Variants in EPHA2 observed in about 807,000 individuals in gnomAD.
EPHA2 encodes the protein ephrin type-A receptor 2.
A neutral mutation model predicts 104.9 loss-of-function variants in EPHA2; 54 were observed. The observed-to-expected ratio is 0.51, with a 90% CI of 0.41 to 0.65. The LOEUF is 0.65. Ranked by LOEUF, EPHA2 falls within the 30% of genes least tolerant of loss-of-function variation. The pLI is 0.00. For missense variants in EPHA2, 1,117 were observed against 1,369.5 expected (o/e 0.82, Z 2.91); for synonymous variants, 560 against 559.1 (o/e 1.00, Z -0.02).
intron 2 of EPHA2, among the ~76,000 whole-genome samples, chr1:16,149,758 G>A (rs1372616943): frequency 2.6e-5 from 4 of 152,186 alleles, no homozygotes; most frequent in Non-Finnish European, 5.9e-5. Context: ...CACTTGGCAC[G>A]GCACATGGGG....
chr1:16,132,624 C>T (rs1203199413), intron 11 of EPHA2, among the ~76,000 whole-genome samples, 185 bp from the exon 12 acceptor site: 3 of 130,864 alleles, frequency 2.3e-5, no homozygotes, highest in African/African-American at 6.0e-5. Flanking sequence ...TGGGCACAGG[C>T]GGAGGAGTGG....
chr1:16,153,958 C>T (rs945552998), intron 1 of EPHA2, among the ~76,000 whole-genome samples: 2 of 151,958 alleles, frequency 1.3e-5, no homozygotes, highest in African/African-American at 4.8e-5. Context: ...GACTCAGAGT[C>T]GAAGCAAAAA....
intron 3 of EPHA2, among the ~76,000 whole-genome samples, chr1:16,138,964 T>G (rs2024772791): frequency 6.6e-6 from 1 of 152,210 alleles, no homozygotes; most frequent in Admixed American, 6.5e-5. Context: ...TCCCTGCAGG[T>G]GTTACCTCCA....
At position 16,124,891 on chromosome 1, in the gene EPHA2, G is replaced by A. The variant is rs1417361028; in HGVS notation, c.*324C>T. On this transcript the variant is annotated 3_prime_UTR_variant, in exon 17 of 17. Coordinates refer to ENST00000358432, the MANE Select transcript of EPHA2 (RefSeq NM_004431.5). ...GAGATGGCCTCATGTGGGAGAAGGC[G>A]GAGGGAAGGTCGGCTTGGGAATATC... 1.2e-5 allele frequency: 4 copies of A among 323,722 alleles called. No homozygotes were observed. Among genetic ancestry groups the A allele is most frequent in the South Asian group, 3.5e-5 (1 of 28,464 alleles). The allele number at this position is 323,722 out of a possible 1,614,324, so 20.1% of individuals were successfully genotyped here. A position where few individuals can be genotyped will look rare whatever the true frequency, so the allele number is the denominator to read the frequency against.
At chr1:16,152,210 G>A (rs984220904) in intron 1 of EPHA2, among the ~76,000 whole-genome samples, 42 of 152,196 alleles carry the variant, frequency 2.8e-4, no homozygotes, top group Admixed American at 2.6e-3. Flanking sequence ...GGCCAGGACC[G>A]GAGAAGGACT....
chr1:16,129,814 G>A (rs2024540857), intron 15 of EPHA2, among the ~76,000 whole-genome samples: 2 of 152,070 alleles, frequency 1.3e-5, no homozygotes, highest in Admixed American at 6.5e-5. Context: ...CTACTAACAG[G>A]ACCACCACCA....
rs770700471 is a variant in EPHA2, at chr1:16,148,520, G to A, written c.681C>T (p.Ala227=). ...GSDAPSLATV[A]GTCVDHAVVP... is the part of the protein sequence containing the mutation. ...CCACGGCATGGTCCACACAGGTGCC[G>A]GCCACAGTGGCCAGGGAAGGTGCAT... The change falls in exon 3 of 17, where the codon GCC becomes GCT. Residue 227 remains alanine (A), a synonymous_variant. Transcript: ENST00000358432. The surrounding 1 kb of genome is among the most constrained non-coding windows in gnomAD (Gnocchi z 4.9). The A allele has an allele frequency of 4.3e-5, 69 of 1,613,450 alleles. No individual in the cohort carries two copies. Among genetic ancestry groups the A allele is most frequent in the Admixed American group, 1.8e-4 (11 of 59,992 alleles).
intron 16 of EPHA2, among the ~76,000 whole-genome samples, chr1:16,129,114 C>T (rs1369763792): frequency 4.0e-5 from 6 of 151,266 alleles, no homozygotes; most frequent in Non-Finnish European, 8.8e-5. Flanking sequence ...AGGACTCACC[C>T]CGCTGGGTTC....
In EPHA2 at chr1:16,148,565, A is replaced by T; in HGVS notation, c.636T>A (p.Pro212=). The T allele has an allele frequency of 1.9e-6, 3 of 1,612,444 alleles. No individual in the cohort carries two copies. Among genetic ancestry groups the T allele is most frequent in the Non-Finnish European group, 2.5e-6 (3 of 1,180,000 alleles). ...GTGCATCAGAGCCGGCGATGGTCTC[A>T]GGGAAGTGGGCCAGGCCCTGCAGCA... ...PELLQGLAHF[P]ETIAGSDAPS... The change falls in exon 3 of 17, where the codon CCT becomes CCA. Residue 212 remains proline (P), a synonymous_variant. Transcript: ENST00000358432. This position sits in a 1 kb window ranked among gnomAD's most constrained non-coding sequence, Gnocchi z 4.9.
chr1:16,136,032 G>A (rs2024677351), intron 5 of EPHA2, among the ~76,000 whole-genome samples: 1 of 152,024 alleles, frequency 6.6e-6, no homozygotes, highest in Non-Finnish European at 1.5e-5. Flanking sequence ...TACTGTACCT[G>A]GCTAATTTTT....
chr1:16,154,756 CA>C (rs558609049), intron 1 of EPHA2, among the ~76,000 whole-genome samples: 3,998 of 66,818 alleles, frequency 0.06, 146 homozygotes, highest in African/African-American at 0.2. Context: ...AACTCCGTCT[CA>C]AAAAAAAAAA....
chr1:16,126,498 A>T (rs945166161), intron 16 of EPHA2, among the ~76,000 whole-genome samples: 2 of 152,024 alleles, frequency 1.3e-5, no homozygotes, highest in African/African-American at 4.8e-5. Context: ...GGACTCCAGG[A>T]CCTCCCGCAG....
At chr1:16,139,034 C>T (rs1387882148) in intron 3 of EPHA2, among the ~76,000 whole-genome samples, 1 of 152,354 alleles carries the variant, frequency 6.6e-6, no homozygotes, top group East Asian at 1.9e-4. Context: ...AGGCCAAGCC[C>T]CCTGGCATTT....
intron 3 of EPHA2, among the ~76,000 whole-genome samples, chr1:16,145,627 A>G (rs1019671810): frequency 1.3e-5 from 2 of 152,042 alleles, no homozygotes; most frequent in African/African-American, 4.8e-5. Context: ...TTCTCCCTCA[A>G]TGTACCCAGC....
At chr1:16,136,670 AAAAGAAGAAG>A (rs1187549325) in intron 5 of EPHA2, among the ~76,000 whole-genome samples, 1 of 113,032 alleles carries the variant, frequency 8.8e-6, no homozygotes, top group Non-Finnish European at 1.6e-5. Context: ...AGAAAAGAAG[AAAAGAAGAAG>A]AAAGAAGAAG....
chr1:16,131,663 A>G lies in EPHA2; in HGVS notation c.2475+58T>C. The stretch of plus-strand genomic sequence containing the variant: ...CTCTGCCCAGCCCCTGCAGTTTGAG[A>G]TGAGTAAAGGGCTTGAGTTCAGGTC... On this transcript the variant is annotated intron_variant, in intron 14 of 16. Coordinates refer to ENST00000358432, the MANE Select transcript of EPHA2 (RefSeq NM_004431.5). This position sits in a 1 kb window ranked among gnomAD's most constrained non-coding sequence, Gnocchi z 5.2. 6.2e-7 allele frequency: 1 copy of G among 1,609,062 alleles called. No individual in the cohort carries two copies. Among genetic ancestry groups the G allele is most frequent in the East Asian group, 2.2e-5 (1 of 44,734 alleles).
intron 3 of EPHA2, among the ~76,000 whole-genome samples, chr1:16,142,144 C>T (rs2024835015): frequency 6.6e-6 from 1 of 152,204 alleles, no homozygotes. Context: ...CCTTTAATAC[C>T]CAGCTTAAGC....
intron 13 of EPHA2, 35 bp downstream of exon 13, chr1:16,132,029 C>A: frequency 6.2e-7 from 1 of 1,613,558 alleles, no homozygotes; most frequent in South Asian, 1.1e-5. Context: ...AGGGCGAAGG[C>A]CGCTTCTCCC....
chr1:16,127,531 G>A (rs1055283084), intron 16 of EPHA2, among the ~76,000 whole-genome samples: 2 of 152,110 alleles, frequency 1.3e-5, no homozygotes, highest in Non-Finnish European at 2.9e-5. Flanking sequence ...GGAGGAGGTG[G>A]GACACTGAAG....
Sources: allele counts gnomAD v4.1 joint callset (sites outside exome capture counted in the v4.1 genomes callset), GRCh38; gene constraint gnomAD v4.1.1; non-coding constraint Gnocchi (gnomAD v3.1); transcripts MANE v1.5; gene names NCBI Gene and HGNC (gene_info 2026-07-23, HGNC 2026-07-21).